The following KIF13A variants were observed in gnomAD, a reference collection of about 807,000 sequenced individuals.
KIF13A encodes kinesin family member 13A.
A neutral mutation model predicts 212.2 loss-of-function variants in KIF13A; 79 were observed. That is an observed-to-expected ratio of 0.37 (90% CI 0.31 to 0.45). KIF13A has a LOEUF of 0.45. KIF13A is among the 20% of genes least tolerant of loss of function. KIF13A has a pLI of 1.00. For missense variants in KIF13A, 1,901 were observed against 2,209.0 expected (o/e 0.86, Z 2.79); for synonymous variants, 789 against 808.6 (o/e 0.98, Z 0.41).
Position 17,915,823 on chromosome 6 carries a change from G to A in KIF13A, c.147-17643C>T, listed in dbSNP as rs1343138802. 5.3e-5 allele frequency among the ~76,000 whole-genome samples: 8 copies of A among 151,910 alleles called. No individual in the cohort carries two copies. The highest frequency in any genetic ancestry group is 3.9e-4 in the Admixed American group (6 of 15,240). On this transcript the variant is annotated intron_variant, in intron 2 of 38. Transcript: ENST00000259711. The surrounding 1 kb of genome is among the most constrained non-coding windows in gnomAD (Gnocchi z 4.4). ...CTAAAAAGACAAAAATTAGCTGGGT[G>A]TGGTAGCAAGAGCCTATAGTCCCAG...
chr6:17,942,369 T>C (rs988640507), intron 2 of KIF13A, among the ~76,000 whole-genome samples: 1 of 151,536 alleles, frequency 6.6e-6, no homozygotes, highest in Non-Finnish European at 1.5e-5. Context: ...TTTCTGTTCA[T>C]TGAAATTTAG....
rs1758954241 is a variant in KIF13A, at chr6:17,766,219, G to T, written c.4582-1273C>A. On this transcript the variant is annotated intron_variant, in intron 38 of 38. Transcript: ENST00000259711. ...ATTAATTTACTTATTTTATTTTTAA[G>T]ATTTATTTATTTATTTATTTATTTA... Among the ~76,000 whole-genome samples the T allele has an allele frequency of 1.7e-3, 252 of 144,712 alleles. 2 individuals carry two copies. The highest frequency in any genetic ancestry group is 6.2e-3 in the African/African-American group (241 of 38,982). 94.9% of individuals were successfully genotyped at this position (144,712 alleles called of 152,430 possible). A position where few individuals can be genotyped will look rare whatever the true frequency, so the allele number is the denominator to read the frequency against.
intron 2 of KIF13A, among the ~76,000 whole-genome samples, chr6:17,940,580 C>T (rs990009147): frequency 6.6e-6 from 1 of 152,226 alleles, no homozygotes; most frequent in Non-Finnish European, 1.5e-5. Context: ...AGAGAGAATT[C>T]CCTGTTCCCC....
Position 17,910,993 on chromosome 6 carries a change from G to A in KIF13A, c.147-12813C>T, listed in dbSNP as rs1774009855. ...TTAGCCAGGATGGTCTCGATCTCCC[G>A]ACCTCATGATCCGCCCGCCTCAGCC... On this transcript the variant is annotated intron_variant, in intron 2 of 38. Coordinates refer to ENST00000259711, the MANE Select transcript of KIF13A (RefSeq NM_022113.6). Among the ~76,000 whole-genome samples the A allele has an allele frequency of 2.6e-5, 4 of 152,206 alleles. No individual in the cohort carries two copies. In the South Asian group the frequency reaches 6.2e-4, roughly 24 times the overall value.
At chr6:17,942,053 G>A (rs1035860712) in intron 2 of KIF13A, among the ~76,000 whole-genome samples, 5 of 151,886 alleles carry the variant, frequency 3.3e-5, no homozygotes, top group Admixed American at 6.6e-5. Context: ...TCTAATCCAA[G>A]CATTTTGGGA....
Position 17,799,437 on chromosome 6 carries a change from T to C in KIF13A, c.2619A>G (p.Val873=), listed in dbSNP as rs779845863. ...GCAGCCCCGTTGCTTCTTTAATTTT[T>C]ACCTGAAGAGATAAACAATACAAAT... ...IHRVKKLTCR[V]KIKEATGLPL... Residue 873 remains valine, a splice_region_variant and synonymous_variant, in exon 22 of 39, where the codon GTA becomes GTG. Transcript: ENST00000259711. The surrounding 1 kb of genome is among the most constrained non-coding windows in gnomAD (Gnocchi z 4.4). 3 of 1,543,562 alleles carry C rather than the reference T, an allele frequency of 1.9e-6. No homozygotes were observed. The highest frequency in any genetic ancestry group is 2.7e-5 in the African/African-American group (2 of 72,874).
At chr6:17,852,595 T>C (rs1767764585) in intron 6 of KIF13A, among the ~76,000 whole-genome samples, 1 of 152,156 alleles carries the variant, frequency 6.6e-6, no homozygotes, top group African/African-American at 2.4e-5. Context: ...TTTTTATATT[T>C]TTTGTAGAGA....
rs555115019 is a variant in KIF13A, at chr6:17,892,945, G to A, written c.159+5223C>T. Among the ~76,000 whole-genome samples the A allele has an allele frequency of 6.6e-5, 10 of 152,306 alleles. No homozygotes were observed. In the South Asian group the frequency reaches 1.2e-3, roughly 19 times the overall value. On this transcript the variant is annotated intron_variant, in intron 3 of 38. Transcript: ENST00000259711. The surrounding 1 kb of genome is among the most constrained non-coding windows in gnomAD (Gnocchi z 4.7). ...TTATGGAACCTGAGGAGGGGGACACGGGAACTCTTGATTTATAGCCGGTAG... is the reference window on the plus strand; with the variant it reads ...TTATGGAACCTGAGGAGGGGGACACAGGAACTCTTGATTTATAGCCGGTAG...
intron 2 of KIF13A, among the ~76,000 whole-genome samples, chr6:17,944,300 A>T (rs1777198602): frequency 6.6e-6 from 1 of 152,210 alleles, no homozygotes; most frequent in Admixed American, 6.5e-5. Context: ...GTTCTTATAG[A>T]TGAAAACTCA....
chr6:17,818,703 C>T (rs973326697), intron 16 of KIF13A, among the ~76,000 whole-genome samples: 2 of 152,006 alleles, frequency 1.3e-5, no homozygotes, highest in Admixed American at 6.6e-5. Flanking sequence ...AATGAGGAAA[C>T]GGGGGCTCAA....
rs974638183 is a variant in KIF13A, at chr6:17,951,060, G to A, written c.146+35994C>T. The A allele has an allele frequency of 1.7e-5, 18 of 1,057,134 alleles. No individual in the cohort carries two copies. In the East Asian group the frequency reaches 4.1e-4, roughly 24 times the overall value. The allele number at this position is 1,057,134 out of a possible 1,614,324, so 65.5% of individuals were successfully genotyped here. A position where few individuals can be genotyped will look rare whatever the true frequency, so the allele number is the denominator to read the frequency against. ...AAACCCACTTTAGTAGTACACCTAAGGACACCTAAGGAATTGTACTTATTA... is the reference window on the plus strand; with the variant it reads ...AAACCCACTTTAGTAGTACACCTAAAGACACCTAAGGAATTGTACTTATTA... On this transcript the variant is annotated intron_variant, in intron 2 of 38. Coordinates refer to ENST00000259711, the MANE Select transcript of KIF13A (RefSeq NM_022113.6). The surrounding 1 kb of genome is among the most constrained non-coding windows in gnomAD (Gnocchi z 4.9).
rs140304522 is a variant in KIF13A, at chr6:17,963,716, C to T, written c.146+23338G>A. On this transcript the variant is annotated intron_variant, in intron 2 of 38. Coordinates refer to ENST00000259711, the MANE Select transcript of KIF13A (RefSeq NM_022113.6). The surrounding 1 kb of genome is among the most constrained non-coding windows in gnomAD (Gnocchi z 4.1). Reference sequence around the variant, plus strand: ...GGATTACAGGCACGCGCCACCACGCCCTGCTAATTTTTGCATTTTTAGTAG... The same window carrying T: ...GGATTACAGGCACGCGCCACCACGCTCTGCTAATTTTTGCATTTTTAGTAG... 0.014 allele frequency among the ~76,000 whole-genome samples: 2,093 copies of T among 152,252 alleles called. 16 individuals carry two copies. The highest frequency in any genetic ancestry group is 0.023 in the Admixed American group (354 of 15,294).
intron 2 of KIF13A, among the ~76,000 whole-genome samples, chr6:17,942,335 AATAT>A (rs10599616): frequency 0.32 from 46,090 of 145,444 alleles, 7,211 homozygotes; most frequent in Admixed American, 0.41. Context: ...AACAACAACA[AATAT>A]ATATATATAT....
chr6:17,836,395 A>C (rs1239535561), intron 11 of KIF13A, among the ~76,000 whole-genome samples: 1 of 152,218 alleles, frequency 6.6e-6, no homozygotes, highest in Non-Finnish European at 1.5e-5. Context: ...GAAGCAAATG[A>C]TCAGGTAGTA....
chr6:17,894,161 A>G (rs773976805), intron 3 of KIF13A, among the ~76,000 whole-genome samples: 3 of 131,820 alleles, frequency 2.3e-5, no homozygotes, highest in Admixed American at 1.5e-4. Flanking sequence ...TTTTTGAGAC[A>G]GGGTTCTGTC....
rs540835370 is a variant in KIF13A at position 17,773,885 on chromosome 6, A to G, written c.4219-302T>C. Among the ~76,000 whole-genome samples, 1 of 152,272 alleles carries G rather than the reference A, an allele frequency of 6.6e-6. No individual in the cohort carries two copies. Among genetic ancestry groups the G allele is most frequent in the Admixed American group, 6.5e-5 (1 of 15,278 alleles). ...TCTTCCTTCCTCCCCAGAGGTAGCT[A>G]CTTTGAGCAATGTGGCATATACCCA... is the stretch of plus-strand genomic sequence containing the variant. On this transcript the variant is annotated intron_variant, in intron 35 of 38. Coordinates refer to ENST00000259711, the MANE Select transcript of KIF13A (RefSeq NM_022113.6). The surrounding 1 kb of genome is among the most constrained non-coding windows in gnomAD (Gnocchi z 4.2).
rs760847865 is a variant in KIF13A at position 17,799,908 on chromosome 6, T to C, written c.2616+44A>G. 11 of 1,575,904 alleles carry C rather than the reference T, an allele frequency of 7.0e-6. No homozygotes were observed. The highest frequency in any genetic ancestry group is 1.2e-5 in the South Asian group (1 of 85,098). On this transcript the variant is annotated intron_variant, in intron 21 of 38. Transcript: ENST00000259711. The surrounding 1 kb of genome is among the most constrained non-coding windows in gnomAD (Gnocchi z 4.4). ...AGATTTTTTGTAAAATGGTTTTGCA[T>C]GAAAAAGGTCATTTATATGAGCCTC...
At chr6:17,790,972 G>A (rs1223239950) in intron 25 of KIF13A, among the ~76,000 whole-genome samples, 1 of 152,022 alleles carries the variant, frequency 6.6e-6, no homozygotes, top group African/African-American at 2.4e-5. Context: ...TAATCACGTT[G>A]AAAACAAAAG....
At chr6:17,935,659 C>A (rs934429804) in intron 2 of KIF13A, among the ~76,000 whole-genome samples, 1 of 152,162 alleles carries the variant, frequency 6.6e-6, no homozygotes, top group African/African-American at 2.4e-5. Context: ...CTCTCCGTAA[C>A]TGAAAAGGAG....
Sources: allele counts gnomAD v4.1 joint callset (sites outside exome capture counted in the v4.1 genomes callset), GRCh38; gene constraint gnomAD v4.1.1; non-coding constraint Gnocchi (gnomAD v3.1); transcripts MANE v1.5; gene names NCBI Gene and HGNC (gene_info 2026-07-23, HGNC 2026-07-21).